Variants in PTPN4 observed in about 807,000 individuals in gnomAD.
PTPN4 encodes protein tyrosine phosphatase non-receptor type 4.
PTPN4 carries 49 observed loss-of-function variants against 135.5 expected under a neutral mutation model. The ratio of observed to expected loss-of-function variants is 0.36; its 90% CI spans 0.29 to 0.46. The LOEUF is 0.46. PTPN4 is among the 20% of genes least tolerant of loss of function. PTPN4 has a pLI of 1.00. For synonymous variants in PTPN4, 333 were observed against 369.9 expected (o/e 0.90, Z 1.14); for missense variants, 860 against 1,101.0 (o/e 0.78, Z 3.10).
At chr2:119,881,082 C>G (rs1297540862) in intron 5 of PTPN4, among the ~76,000 whole-genome samples, 2 of 152,120 alleles carry the variant, frequency 1.3e-5, no homozygotes, top group African/African-American at 4.8e-5. Context: ...CAAGTATTGA[C>G]AAATCTTTGA....
At chr2:119,900,582 C>T in intron 9 of PTPN4, 136 bp from the exon 10 acceptor site, 1 of 464,876 alleles carries the variant, frequency 2.2e-6, no homozygotes, top group South Asian at 5.6e-5. Context: ...ATTTGGGTTT[C>T]TAATTAGTAT....
chr2:119,854,797 G>A lies in PTPN4; in HGVS notation c.139-7739G>A, dbSNP rs536391792. Among the ~76,000 whole-genome samples the A allele has an allele frequency of 5.1e-4, 78 of 152,280 alleles. No homozygotes were observed. The South Asian group carries it at 6.2e-3, about 12-fold the overall frequency. On this transcript the variant is annotated intron_variant, in intron 2 of 26. Transcript: ENST00000263708. ...CATTAAAGAGGGATTATGGCCACCC[G>A]GGCTGAAGCCTGCGTTGTTTCTTAG...
intron 1 of PTPN4, among the ~76,000 whole-genome samples, chr2:119,775,053 T>C (rs1251967348): frequency 1.7e-5 from 2 of 118,960 alleles, no homozygotes; most frequent in East Asian, 2.7e-4. Flanking sequence ...AGAAAAGATA[T>C]CTGCCTAACA....
intron 26 of PTPN4, among the ~76,000 whole-genome samples, chr2:119,970,208 C>T (rs1013463383): frequency 3.0e-4 from 46 of 152,044 alleles, no homozygotes; most frequent in Admixed American, 2.9e-3. Flanking sequence ...TACAGGCACC[C>T]GCAACCACGC....
intron 1 of PTPN4, among the ~76,000 whole-genome samples, chr2:119,808,798 A>G (rs1691528979): frequency 1.3e-5 from 2 of 152,156 alleles, no homozygotes; most frequent in Non-Finnish European, 1.5e-5. Context: ...CCCCTACATT[A>G]TTTTTATATT....
At position 119,914,917 on chromosome 2, in the gene PTPN4, T is replaced by A. The variant is rs553185250; in HGVS notation, c.765-262T>A. Among the ~76,000 whole-genome samples the A allele has an allele frequency of 7.9e-5, 12 of 152,306 alleles. No individual in the cohort carries two copies. The East Asian group carries it at 1.5e-3, about 20-fold the overall frequency. Reference sequence around the variant, plus strand: ...AGTTTTAGAGAGTAAACAACTAAGTTAGTGATAGTTTTTGAAATTTTAATT... The same window carrying A: ...AGTTTTAGAGAGTAAACAACTAAGTAAGTGATAGTTTTTGAAATTTTAATT... On this transcript the variant is annotated intron_variant, in intron 10 of 26. Coordinates refer to ENST00000263708, the MANE Select transcript of PTPN4 (RefSeq NM_002830.4).
rs72840441 is a variant in PTPN4 at position 119,981,012 on chromosome 2, T to A, written c.*3942T>A. The A allele has an allele frequency of 6.6e-6, 1 of 152,084 alleles. No homozygotes were observed. The highest frequency in any genetic ancestry group is 1.5e-5 in the Non-Finnish European group (1 of 67,912). The allele number at this position is 152,084 out of a possible 1,614,324, so 9.4% of individuals were successfully genotyped here. On this transcript the variant is annotated 3_prime_UTR_variant, in exon 27 of 27. Transcript: ENST00000263708. ...AGGAAGAGAGAAGGAAACATTAGTT[T>A]ATAACAATGTGCTATTTAATATCTG...
Position 119,978,408 on chromosome 2 carries a change from ATAAC to A in PTPN4, c.*1342_*1345del, listed in dbSNP as rs1311492589. On this transcript the variant is annotated 3_prime_UTR_variant, in exon 27 of 27. Transcript: ENST00000263708. ...ACTTATTTCTAAGTGTAATAACTCA[ATAAC>A]TAAATTGAGAATTTTCTTGTTTTTT... 4.6e-5 allele frequency: 6 copies of A among 130,846 alleles called. No homozygotes were observed. Among genetic ancestry groups the A allele is most frequent in the African/African-American group, 1.1e-4 (4 of 35,230 alleles). 8.1% of individuals were successfully genotyped at this position (130,846 alleles called of 1,614,324 possible).
At chr2:119,976,097 G>A (rs1332876936) in intron 26 of PTPN4, among the ~76,000 whole-genome samples, 1 of 150,410 alleles carries the variant, frequency 6.6e-6, no homozygotes, top group Non-Finnish European at 1.5e-5. Context: ...CCAGGTTCAC[G>A]CCATTCTCCT....
At chr2:119,804,593 T>C (rs1003560262) in intron 1 of PTPN4, among the ~76,000 whole-genome samples, 2 of 152,226 alleles carry the variant, frequency 1.3e-5, no homozygotes, top group Non-Finnish European at 2.9e-5. Context: ...TCCATGTCCC[T>C]GCAAAGGACG....
intron 1 of PTPN4, among the ~76,000 whole-genome samples, chr2:119,780,098 T>C (rs186130445): frequency 6.6e-6 from 1 of 152,290 alleles, no homozygotes; most frequent in East Asian, 1.9e-4. Context: ...TTGAATAATA[T>C]CATGCCTATG....
chr2:119,823,649 A>C (rs1021463755), intron 2 of PTPN4, among the ~76,000 whole-genome samples: 1 of 152,160 alleles, frequency 6.6e-6, no homozygotes, highest in Non-Finnish European at 1.5e-5. Flanking sequence ...TCTAGTTTGG[A>C]TATCTTTCCA....
At chr2:119,889,617 A>G (rs993246919) in intron 9 of PTPN4, among the ~76,000 whole-genome samples, 1 of 151,420 alleles carries the variant, frequency 6.6e-6, no homozygotes, top group Non-Finnish European at 1.5e-5. Context: ...TCACTATTTC[A>G]TTTATTTCTG....
At chr2:119,783,624 T>C (rs1690987393) in intron 1 of PTPN4, among the ~76,000 whole-genome samples, 1 of 152,194 alleles carries the variant, frequency 6.6e-6, no homozygotes, top group Non-Finnish European at 1.5e-5. Context: ...GTGGAAATCT[T>C]TGAGATTAGA....
At position 119,798,764 on chromosome 2, in the gene PTPN4, A is replaced by C. The variant is rs529630966; in HGVS notation, c.-17-11073A>C. On this transcript the variant is annotated intron_variant, in intron 1 of 26. Transcript: ENST00000263708. ...AGGTCTATATTTATTTGGATAGATT[A>C]ATACCATATTCAGGTAGGTTCTCCA... Among the ~76,000 whole-genome samples, 42 of 152,358 alleles carry C rather than the reference A, an allele frequency of 2.8e-4. 1 individual carries two copies. Among genetic ancestry groups the C allele is most frequent in the Non-Finnish European group, 4.6e-4 (31 of 68,042 alleles).
At chr2:119,970,886 C>T (rs1475970656) in intron 26 of PTPN4, among the ~76,000 whole-genome samples, 2 of 152,196 alleles carry the variant, frequency 1.3e-5, no homozygotes, top group Non-Finnish European at 1.5e-5. Flanking sequence ...TCCAAAATTT[C>T]TGTACCATTT....
At chr2:119,877,013 T>G (rs779884980) in intron 3 of PTPN4, among the ~76,000 whole-genome samples, 23 of 151,892 alleles carry the variant, frequency 1.5e-4, no homozygotes, top group Non-Finnish European at 3.1e-4. Context: ...TGTGAATCAC[T>G]TCACATTCAC....
chr2:119,907,973 G>A (rs948355484), intron 10 of PTPN4, among the ~76,000 whole-genome samples: 1 of 152,068 alleles, frequency 6.6e-6, no homozygotes, highest in Non-Finnish European at 1.5e-5. Flanking sequence ...AGAGTTACAC[G>A]TAAGACCTGA....
At chr2:119,969,510 A>C (rs1461562030) in intron 26 of PTPN4, among the ~76,000 whole-genome samples, 1 of 151,872 alleles carries the variant, frequency 6.6e-6, no homozygotes, top group Non-Finnish European at 1.5e-5. Flanking sequence ...TTTTCCTTTT[A>C]AATAAAACCG....
Sources: allele counts gnomAD v4.1 joint callset (sites outside exome capture counted in the v4.1 genomes callset), GRCh38; gene constraint gnomAD v4.1.1; transcripts MANE v1.5; gene names NCBI Gene and HGNC (gene_info 2026-07-23, HGNC 2026-07-21).